ARID5B: variants seen among roughly 807,000 people sequenced by gnomAD.
ARID5B encodes AT-rich interactive domain-containing protein 5B.
In ARID5B, 13 loss-of-function variants were observed where a neutral mutation model predicts 97.2. The ratio of observed to expected loss-of-function variants is 0.13; its 90% confidence interval spans 0.09 to 0.21. The LOEUF is 0.21. ARID5B is among the 10% of genes least tolerant of loss of function. The probability of loss-of-function intolerance (pLI) is 1.00; values close to 1 mark genes in which losing one functional copy is unlikely to be tolerated. For synonymous variants in ARID5B, 556 were observed against 570.3 expected, an observed-to-expected ratio of 0.97 and a Z score of 0.36; for missense variants, 1,210 against 1,465.3, an observed-to-expected ratio of 0.83 and a Z score of 2.84.
chr10:61,912,029 G>C (rs1415312790), intron 2 of ARID5B, among the ~76,000 whole-genome samples: 24 of 151,860 alleles, frequency 1.6e-4, no homozygotes, highest in Non-Finnish European at 1.5e-5. Flanking sequence ...AGAGAGTCTG[G>C]ATTATGACCC....
chr10:62,034,225 T>C (rs1455767168), intron 4 of ARID5B, among the ~76,000 whole-genome samples: 3 of 152,202 alleles, frequency 2.0e-5, no homozygotes, highest in South Asian at 4.1e-4. Flanking sequence ...AGAACAAACC[T>C]GGGATGCAAG....
intron 2 of ARID5B, among the ~76,000 whole-genome samples, chr10:61,909,751 G>T (rs1473992628): frequency 6.6e-6 from 1 of 152,084 alleles, no homozygotes; most frequent in Non-Finnish European, 1.5e-5. Context: ...TTCACATGTG[G>T]GCCAGATCCA....
chr10:62,074,436 G>C (rs1043984600), intron 8 of ARID5B, among the ~76,000 whole-genome samples: 12 of 151,964 alleles, frequency 7.9e-5, no homozygotes, highest in African/African-American at 2.7e-4. Flanking sequence ...ACCCAAGCCA[G>C]ATGTACTTGG....
Position 61,991,041 on chromosome 10 carries a change from TACACACACACAC to T in ARID5B, c.503-9029_503-9018del, listed in dbSNP as rs397802272. On this transcript the variant is annotated intron_variant, in intron 3 of 9. Coordinates refer to ENST00000279873, the MANE Select transcript of ARID5B (RefSeq NM_032199.3). ...AAGTGGAATCACAATATTTATCCTG[TACACACACACAC>T]ACACACACACACACACACACCAAAT... Among the ~76,000 whole-genome samples the T allele has an allele frequency of 8.6e-4, 125 of 145,152 alleles. 1 individual carries two copies. Among genetic ancestry groups the T allele is most frequent in the Middle Eastern group, 3.4e-3 (1 of 292 alleles).
rs1554837125 is a variant in ARID5B, at chr10:61,915,754, T to TTCTG, written c.276+13342_276+13343insCTGT. 9.2e-5 allele frequency among the ~76,000 whole-genome samples: 14 copies of TTCTG among 152,278 alleles called. No homozygotes were observed. The South Asian group carries it at 1.5e-3, about 16-fold the overall frequency. ...TACTATCTGTCTTTGTTTGTTTGTTTTTTGTTTGTTTGTTTGTTTGAGACA... is the reference window on the plus strand; with the variant it reads ...TACTATCTGTCTTTGTTTGTTTGTTTTCTGTTTGTTTGTTTGTTTGTTTGAGACA... On this transcript the variant is annotated intron_variant, in intron 2 of 9. Transcript: ENST00000279873.
chr10:61,930,353 G>A (rs879913070), intron 2 of ARID5B, among the ~76,000 whole-genome samples: 31 of 152,122 alleles, frequency 2.0e-4, no homozygotes, highest in Non-Finnish European at 1.3e-4. Flanking sequence ...TTTATATAGT[G>A]AATAGCATTG....
chr10:61,985,615 G>A (rs1352082218), intron 3 of ARID5B, among the ~76,000 whole-genome samples: 1 of 152,046 alleles, frequency 6.6e-6, no homozygotes, highest in African/African-American at 2.4e-5. Context: ...TAAATTGATT[G>A]GAGTGATGGT....
chr10:62,087,137 A>T (rs1840297245), intron 9 of ARID5B, among the ~76,000 whole-genome samples: 1 of 151,478 alleles, frequency 6.6e-6, no homozygotes, highest in Non-Finnish European at 1.5e-5. Context: ...GTCTCTACTA[A>T]AAATACAAAA....
intron 3 of ARID5B, among the ~76,000 whole-genome samples, chr10:61,986,788 C>T (rs560640280): frequency 6.6e-6 from 1 of 152,284 alleles, no homozygotes; most frequent in African/African-American, 2.4e-5. Context: ...TGGAAAACAG[C>T]TTGCAAAGCA....
chr10:61,988,219 A>G (rs1838872842), intron 3 of ARID5B, among the ~76,000 whole-genome samples: 1 of 152,238 alleles, frequency 6.6e-6, no homozygotes, highest in Admixed American at 6.5e-5. Context: ...AGTAGGTTTC[A>G]TAAGTATCTC....
In ARID5B at chr10:62,042,914, CAAA is replaced by C. The variant is rs34887438; in HGVS notation, c.734-7957_734-7955del. On this transcript the variant is annotated intron_variant, in intron 4 of 9. Transcript: ENST00000279873. ...TGGGTGAAAGAGCGAGAGTCTGTCCCAAAAAAAAAAAAAAAAAAAGAATATATG... is the reference window on the plus strand; with the variant it reads ...TGGGTGAAAGAGCGAGAGTCTGTCCCAAAAAAAAAAAAAAAAGAATATATG... 3.7e-3 allele frequency among the ~76,000 whole-genome samples: 443 copies of C among 121,248 alleles called. 1 individual carries two copies. Among genetic ancestry groups the C allele is most frequent in the South Asian group, 0.015 (54 of 3,540 alleles). 79.5% of individuals were successfully genotyped at this position (121,248 alleles called of 152,430 possible). A position where few individuals can be genotyped will look rare whatever the true frequency, so the allele number is the denominator to read the frequency against.
intron 3 of ARID5B, among the ~76,000 whole-genome samples, chr10:61,964,080 T>C (rs1838511187): frequency 6.6e-6 from 1 of 152,084 alleles, no homozygotes; most frequent in Non-Finnish European, 1.5e-5. Context: ...TAATCAGATG[T>C]AGTGGGGAGA....
chr10:61,905,831 C>A (rs185404002), intron 2 of ARID5B, among the ~76,000 whole-genome samples: 1 of 152,132 alleles, frequency 6.6e-6, no homozygotes, highest in African/African-American at 2.4e-5. Flanking sequence ...ATAATGATAA[C>A]AGTTATATTT....
rs778364076 is a variant in ARID5B at position 61,940,354 on chromosome 10, A to G, written c.448A>G (p.Thr150Ala). 6.2e-7 allele frequency: 1 copy of G among 1,614,130 alleles called. No homozygotes were observed. The highest frequency in any genetic ancestry group is 1.3e-5 in the African/African-American group (1 of 75,050). ...AGCTCTGCTGAAGTACAGGCAGTCA[A>G]CCCTAAACAGTGGACTCAACTTCAA... ...KEALLKYRQS[T>A]LNSGLNFKDV... The change falls in exon 3 of 10, where the codon ACC (threonine) becomes GCC (alanine). Residue 150 changes from threonine (T) to alanine (A), a missense_variant. Thr to Ala is a moderately conservative substitution (Grantham distance 58). This residue lies in a region of ARID5B where 82 missense variants were observed against 79.3 expected (regional missense o/e 1.03). Coordinates refer to ENST00000279873, the MANE Select transcript of ARID5B (RefSeq NM_032199.3).
In ARID5B at chr10:61,915,624, A is replaced by AC. The variant is rs1843888216; in HGVS notation, c.276+13212dup. Among the ~76,000 whole-genome samples, 7 of 152,256 alleles carry AC rather than the reference A, an allele frequency of 4.6e-5. No individual in the cohort carries two copies. The South Asian group carries it at 6.2e-4, about 14-fold the overall frequency. ...ACCAGTTGGTCTAGGTATCATCTAG[A>AC]CACCTGGGGTGCATATTTAGAGCTA... On this transcript the variant is annotated intron_variant, in intron 2 of 9. Coordinates refer to ENST00000279873, the MANE Select transcript of ARID5B (RefSeq NM_032199.3).
intron 2 of ARID5B, among the ~76,000 whole-genome samples, chr10:61,917,199 T>C (rs1434434895): frequency 6.6e-6 from 1 of 151,704 alleles, no homozygotes; most frequent in Non-Finnish European, 1.5e-5. Context: ...AAAAATAAAA[T>C]GCTCTTCAGT....
At chr10:62,003,727 G>C (rs1281714503) in intron 4 of ARID5B, among the ~76,000 whole-genome samples, 1 of 152,142 alleles carries the variant, frequency 6.6e-6, no homozygotes, top group African/African-American at 2.4e-5. Flanking sequence ...GAATGAGTCT[G>C]AGTTTTCTCT....
intron 2 of ARID5B, among the ~76,000 whole-genome samples, chr10:61,938,282 A>G (rs1844340393): frequency 6.6e-6 from 1 of 152,232 alleles, no homozygotes; most frequent in African/African-American, 2.4e-5. Context: ...CTAGTAATTG[A>G]AATGATAATC....
At chr10:62,019,826 C>T (rs1839332110) in intron 4 of ARID5B, among the ~76,000 whole-genome samples, 2 of 152,146 alleles carry the variant, frequency 1.3e-5, no homozygotes, top group Admixed American at 1.3e-4. Flanking sequence ...CAAACTTTGG[C>T]AAAGGTTTAA....
Sources: gnomAD v4.1 joint callset for allele counts (sites outside exome capture counted in the v4.1 genomes callset) on GRCh38, gnomAD v4.1.1 for gene constraint, gnomAD v4.1.1 regional missense constraint, MANE v1.5 for transcripts, NCBI Gene and HGNC (gene_info 2026-07-23, HGNC 2026-07-21) for gene names.